POLDIP2: variants seen among roughly 807,000 people sequenced by gnomAD.
POLDIP2 encodes the protein DNA polymerase delta interacting protein 2.
Under a neutral mutation model 52.9 loss-of-function variants are expected in POLDIP2, and 32 were observed. The ratio of observed to expected loss-of-function variants is 0.61; its 90% CI spans 0.46 to 0.81. The LOEUF (loss-of-function observed/expected upper bound fraction) is 0.81, where lower values mean the gene tolerates loss of function less well. POLDIP2 is among the 40% of genes least tolerant of loss of function. The pLI, the probability that POLDIP2 is intolerant of heterozygous loss-of-function variation, is 0.00. For synonymous variants in POLDIP2, 183 were observed against 183.0 expected (o/e 1.00, Z 0.00); for missense variants, 371 against 477.3 (o/e 0.78, Z 2.07).
At position 28,357,464 on chromosome 17, in the gene POLDIP2, C is replaced by T. The variant is rs1225120958; in HGVS notation, c.-16G>A. 25 of 1,428,888 alleles carry T rather than the reference C, an allele frequency of 1.7e-5. No homozygotes were observed. The East Asian group carries it at 6.6e-4, about 38-fold the overall frequency. 88.5% of individuals were successfully genotyped at this position (1,428,888 alleles called of 1,614,324 possible). The stretch of plus-strand genomic sequence containing the variant: ...AGGCTGCCATGTCCCGCCCGAGCGC[C>T]CGCCCGGCTGCTGACACAGAGCCCG... On this transcript the variant is annotated 5_prime_UTR_variant, in exon 1 of 11. Transcript: ENST00000540200.
At chr17:28,348,254 T>A (rs781790124) in intron 10 of POLDIP2, 23 bp from the exon 11 acceptor site, 1 of 1,556,160 alleles carries the variant, frequency 6.4e-7, no homozygotes, top group Non-Finnish European at 8.9e-7. Context: ...AGAAGCTGGT[T>A]TAGAAGGAGC....
At chr17:28,355,102 AGTC>A (rs1209046834) in intron 2 of POLDIP2, among the ~76,000 whole-genome samples, 4 of 152,236 alleles carry the variant, frequency 2.6e-5, no homozygotes, top group African/African-American at 9.6e-5. Flanking sequence ...ACCACACTGA[AGTC>A]AATTTTATTA....
intron 7 of POLDIP2, among the ~76,000 whole-genome samples, chr17:28,351,241 A>G (rs2142395282): frequency 6.6e-6 from 1 of 152,292 alleles, no homozygotes; most frequent in South Asian, 2.1e-4. Flanking sequence ...CCAAGCATGC[A>G]CTGACTATAC....
At chr17:28,353,198 A>T (rs1555580341) in intron 5 of POLDIP2, 43 bp downstream of exon 5, 1 of 966,974 alleles carries the variant, frequency 1.0e-6, no homozygotes. Flanking sequence ...GAGACACACC[A>T]GACTCCTTCT....
Position 28,351,706 on chromosome 17 carries a change from C to G in POLDIP2, c.717G>C (p.Glu239Asp). The change falls in exon 7 of 11, where the codon GAG (glutamate) becomes GAC (aspartate). Residue 239 changes from glutamate (E) to aspartate (D), a missense_variant. Coordinates refer to ENST00000540200, the MANE Select transcript of POLDIP2 (RefSeq NM_015584.5). ...ELSDVHRETT[E>D]NIRVTVIPFY... ...AGGGGATGACAGTGACACGTATGTTCTCAGTTGTTTCCCGATGAACATCGG... is the reference window on the plus strand; with the variant it reads ...AGGGGATGACAGTGACACGTATGTTGTCAGTTGTTTCCCGATGAACATCGG... The G allele has an allele frequency of 2.5e-6, 4 of 1,613,940 alleles. No individual in the cohort carries two copies. The highest frequency in any genetic ancestry group is 3.4e-6 in the Non-Finnish European group (4 of 1,179,842).
intron 7 of POLDIP2, among the ~76,000 whole-genome samples, chr17:28,351,291 C>T (rs144967921): frequency 1.3e-5 from 2 of 152,176 alleles, no homozygotes; most frequent in African/African-American, 4.8e-5. Flanking sequence ...TGGAGTTGGG[C>T]GGCCCCTACC....
At chr17:28,356,085 T>C (rs1555580881) in intron 1 of POLDIP2, among the ~76,000 whole-genome samples, 1 of 151,380 alleles carries the variant, frequency 6.6e-6, no homozygotes, top group Non-Finnish European at 1.5e-5. Flanking sequence ...ACCGCTCCCA[T>C]ACTACTGTCT....
At chr17:28,348,551 A>G (rs1400628714) in intron 10 of POLDIP2, among the ~76,000 whole-genome samples, 1 of 152,246 alleles carries the variant, frequency 6.6e-6, no homozygotes, top group Non-Finnish European at 1.5e-5. Flanking sequence ...CGTCTCCACT[A>G]AAAATACAAA....
intron 7 of POLDIP2, among the ~76,000 whole-genome samples, chr17:28,351,325 G>A (rs1300818416): frequency 2.0e-5 from 3 of 152,218 alleles, no homozygotes; most frequent in African/African-American, 7.2e-5. Context: ...ACAGCCAGGC[G>A]ATGTGTAAGT....
At chr17:28,349,261 G>T in intron 9 of POLDIP2, 99 bp from the exon 10 acceptor site, 1 of 784,138 alleles carries the variant, frequency 1.3e-6, no homozygotes. Context: ...AAGACTGGAT[G>T]TCCCCTACCC....
chr17:28,352,220 G>C (rs1358515778), intron 6 of POLDIP2, among the ~76,000 whole-genome samples: 4 of 121,692 alleles, frequency 3.3e-5, no homozygotes, highest in Admixed American at 8.6e-5. Context: ...TGTGGAAATA[G>C]AGCGTTGGAA....
Position 28,350,573 on chromosome 17 carries a change from G to T in POLDIP2, c.787-10C>A. Reference sequence around the variant, plus strand: ...GGATACAGTAGCGCCACTGAGGTGGGTGTGGGAGAGAGAGTTTAAAAAAAA... The same window carrying T: ...GGATACAGTAGCGCCACTGAGGTGGTTGTGGGAGAGAGAGTTTAAAAAAAA... On this transcript the variant is annotated splice_polypyrimidine_tract_variant and intron_variant, in intron 8 of 10. Coordinates refer to ENST00000540200, the MANE Select transcript of POLDIP2 (RefSeq NM_015584.5). 1 of 1,607,772 alleles carries T rather than the reference G, an allele frequency of 6.2e-7. No homozygotes were observed. The highest frequency in any genetic ancestry group is 8.5e-7 in the Non-Finnish European group (1 of 1,177,504).
At chr17:28,348,352 C>A in intron 10 of POLDIP2, 121 bp from the exon 11 acceptor site, 1 of 642,922 alleles carries the variant, frequency 1.6e-6, no homozygotes, top group East Asian at 2.7e-5. Flanking sequence ...TCTCTTCTAT[C>A]TCTAGCTCAT....
intron 2 of POLDIP2, among the ~76,000 whole-genome samples, chr17:28,355,388 A>G (rs1907974039): frequency 6.6e-6 from 1 of 152,334 alleles, no homozygotes; most frequent in African/African-American, 2.4e-5. Context: ...CAGGTGGATC[A>G]CCTGAGGTCG....
chr17:28,349,436 AAC>A (rs1324038313), intron 9 of POLDIP2, among the ~76,000 whole-genome samples: 1 of 145,656 alleles, frequency 6.9e-6, no homozygotes, highest in African/African-American at 2.6e-5. Context: ...CAGCCCGGGG[AAC>A]ACAGTGAGAC....
In POLDIP2 at chr17:28,347,537, C is replaced by T. The variant is rs930936210; in HGVS notation, c.*580G>A. ...GTGCTAAGAGCCAGGCCACTCCGACCCTGACACTGGCCTCCCTCTCTGCAT... is the reference window on the plus strand; with the variant it reads ...GTGCTAAGAGCCAGGCCACTCCGACTCTGACACTGGCCTCCCTCTCTGCAT... On this transcript the variant is annotated 3_prime_UTR_variant, in exon 11 of 11. Coordinates refer to ENST00000540200, the MANE Select transcript of POLDIP2 (RefSeq NM_015584.5). 6.5e-6 allele frequency: 1 copy of T among 153,164 alleles called. No homozygotes were observed. Among genetic ancestry groups the T allele is most frequent in the African/African-American group, 2.4e-5 (1 of 41,450 alleles). 9.5% of individuals were successfully genotyped at this position (153,164 alleles called of 1,614,324 possible). A position where few individuals can be genotyped will look rare whatever the true frequency, so the allele number is the denominator to read the frequency against.
chr17:28,352,185 G>A (rs1297170818), intron 6 of POLDIP2, among the ~76,000 whole-genome samples: 1 of 150,790 alleles, frequency 6.6e-6, no homozygotes, highest in Non-Finnish European at 1.5e-5. Context: ...AGGCATGACA[G>A]CTCTAACAGG....
chr17:28,357,251 G>C, intron 1 of POLDIP2, 37 bp downstream of exon 1: 1 of 1,392,230 alleles, frequency 7.2e-7, no homozygotes, highest in Non-Finnish European at 9.2e-7. Context: ...CTGGGCTCCA[G>C]GCCCAGTTCC....
Position 28,348,052 on chromosome 17 carries a change from G to A in POLDIP2, c.*65C>T. 1 of 905,642 alleles carries A rather than the reference G, an allele frequency of 1.1e-6. No individual in the cohort carries two copies. Among genetic ancestry groups the A allele is most frequent in the South Asian group, 1.3e-5 (1 of 74,108 alleles). The allele number at this position is 905,642 out of a possible 1,614,324, so 56.1% of individuals were successfully genotyped here. ...ATGATGGGGAGAGAAGAGTTCTGCA[G>A]CAATTGTGGGATGAGAGTTGTTCTT... On this transcript the variant is annotated 3_prime_UTR_variant, in exon 11 of 11. Transcript: ENST00000540200.
Sources: gnomAD v4.1 joint callset for allele counts (sites outside exome capture counted in the v4.1 genomes callset) on GRCh38, gnomAD v4.1.1 for gene constraint, MANE v1.5 for transcripts, NCBI Gene and HGNC (gene_info 2026-07-23, HGNC 2026-07-21) for gene names.